Variants in ENOX1 observed in about 807,000 individuals in gnomAD.
The protein encoded by ENOX1 is ecto-NOX disulfide-thiol exchanger 1.
A neutral mutation model predicts 82.5 loss-of-function variants in ENOX1; 42 were observed. The ratio of observed to expected loss-of-function variants is 0.51; its 90% CI spans 0.40 to 0.66. ENOX1 has a LOEUF of 0.66. ENOX1 is among the 30% of genes least tolerant of loss of function. The pLI, the probability that ENOX1 is intolerant of heterozygous loss-of-function variation, is 0.00. For missense variants in ENOX1, 608 were observed against 811.6 expected (o/e 0.75, Z 3.05); for synonymous variants, 271 against 282.2 (o/e 0.96, Z 0.40).
At chr13:43,605,438 A>G (rs1176599082) in intron 2 of ENOX1, among the ~76,000 whole-genome samples, 1 of 152,196 alleles carries the variant, frequency 6.6e-6, no homozygotes, top group Non-Finnish European at 1.5e-5. Context: ...ACCAAACAGC[A>G]TGGTACTGGT....
chr13:43,380,131 T>A (rs909772701), intron 5 of ENOX1, among the ~76,000 whole-genome samples: 1 of 151,566 alleles, frequency 6.6e-6, no homozygotes, highest in African/African-American at 2.4e-5. Context: ...AAACAATCCA[T>A]CACCAGCAGA....
chr13:43,754,051 T>TATATACATATATACGTATATAAATACAC (rs71099849), intron 1 of ENOX1, among the ~76,000 whole-genome samples: 94,363 of 117,808 alleles, frequency 0.8, 39,942 homozygotes, highest in South Asian at 0.92. Flanking sequence ...TAAATACACA[T>TATATACATATATACGTATATAAATACAC]ATATATACAT....
chr13:43,656,007 C>G (rs1043826102), intron 2 of ENOX1, among the ~76,000 whole-genome samples: 11 of 152,146 alleles, frequency 7.2e-5, no homozygotes, highest in African/African-American at 2.4e-4. Context: ...ATCCAAAAGA[C>G]CCCTATTTTT....
At chr13:43,676,961 T>C (rs889941735) in intron 1 of ENOX1, among the ~76,000 whole-genome samples, 2 of 151,438 alleles carry the variant, frequency 1.3e-5, no homozygotes, top group African/African-American at 4.9e-5. Flanking sequence ...CAAAGTAGAG[T>C]TGAAACTTGC....
intron 2 of ENOX1, among the ~76,000 whole-genome samples, chr13:43,607,335 T>C (rs2082019821): frequency 6.6e-6 from 1 of 152,234 alleles, no homozygotes; most frequent in African/African-American, 2.4e-5. Flanking sequence ...AGAGTTTCCT[T>C]CTTTATTAAT....
At chr13:43,529,933 T>G (rs13378504) in intron 2 of ENOX1, among the ~76,000 whole-genome samples, 1 of 152,254 alleles carries the variant, frequency 6.6e-6, no homozygotes, top group South Asian at 2.1e-4. Flanking sequence ...TGAATGCAGC[T>G]GTCACACTAA....
chr13:43,362,807 C>G (rs2050614872), intron 5 of ENOX1, among the ~76,000 whole-genome samples: 2 of 152,198 alleles, frequency 1.3e-5, no homozygotes, highest in African/African-American at 4.8e-5. Context: ...CTGGGCTGAA[C>G]AGAATAAACA....
chr13:43,771,169 AAG>A (rs1267181041), intron 1 of ENOX1, among the ~76,000 whole-genome samples: 1 of 152,172 alleles, frequency 6.6e-6, no homozygotes, highest in Non-Finnish European at 1.5e-5. Context: ...TTATCCCAAA[AAG>A]AGAGAATCCA....
chr13:43,365,075 G>A (rs771498639), intron 5 of ENOX1, among the ~76,000 whole-genome samples: 3 of 152,206 alleles, frequency 2.0e-5, no homozygotes, highest in Non-Finnish European at 4.4e-5. Flanking sequence ...GATGCACCCT[G>A]CCAGGCCAGG....
chr13:43,353,661 C>T (rs1486527963), intron 8 of ENOX1, among the ~76,000 whole-genome samples: 2 of 152,170 alleles, frequency 1.3e-5, no homozygotes, highest in Admixed American at 1.3e-4. Flanking sequence ...GTTTATATTC[C>T]AAACTCTATG....
chr13:43,530,362 G>C (rs2078158393), intron 2 of ENOX1, among the ~76,000 whole-genome samples: 1 of 152,130 alleles, frequency 6.6e-6, no homozygotes. Context: ...TGTCATCTCT[G>C]ATAGGAACCC....
intron 2 of ENOX1, among the ~76,000 whole-genome samples, chr13:43,513,591 T>G (rs558740524): frequency 6.6e-6 from 1 of 152,266 alleles, no homozygotes; most frequent in South Asian, 2.1e-4. Context: ...ACCCAGTGAA[T>G]CATCTGTAAC....
chr13:43,430,765 T>C (rs867476443), intron 3 of ENOX1, among the ~76,000 whole-genome samples: 1 of 152,320 alleles, frequency 6.6e-6, no homozygotes, highest in Middle Eastern at 3.4e-3. Context: ...AAAAACAAAT[T>C]GTTGATTGTT....
At chr13:43,424,040 C>T (rs994617256) in intron 3 of ENOX1, among the ~76,000 whole-genome samples, 1 of 152,162 alleles carries the variant, frequency 6.6e-6, no homozygotes, top group African/African-American at 2.4e-5. Context: ...AGGTGGATGT[C>T]AGGCTTCAAA....
intron 2 of ENOX1, among the ~76,000 whole-genome samples, chr13:43,618,024 A>G (rs2082558768): frequency 1.3e-5 from 2 of 152,012 alleles, no homozygotes; most frequent in African/African-American, 4.8e-5. Flanking sequence ...GGCCATTTGT[A>G]TATCTTCTTT....
intron 1 of ENOX1, among the ~76,000 whole-genome samples, chr13:43,754,778 C>T (rs1279987990): frequency 6.6e-6 from 1 of 151,938 alleles, no homozygotes; most frequent in East Asian, 1.9e-4. Context: ...CACTATGTTG[C>T]CGAGTCTAGT....
intron 1 of ENOX1, among the ~76,000 whole-genome samples, chr13:43,699,559 T>C (rs1231215706): frequency 5.9e-5 from 9 of 152,212 alleles, no homozygotes; most frequent in Admixed American, 5.9e-4. Flanking sequence ...ATTATTTACT[T>C]TGCTGTAATT....
At chr13:43,504,919 C>T (rs1290546043) in intron 2 of ENOX1, among the ~76,000 whole-genome samples, 1 of 151,476 alleles carries the variant, frequency 6.6e-6, no homozygotes, top group Non-Finnish European at 1.5e-5. Context: ...TCTAACTCAC[C>T]AAGTTACATA....
chr13:43,294,998 G>A (rs934806842), intron 12 of ENOX1, among the ~76,000 whole-genome samples: 1 of 152,188 alleles, frequency 6.6e-6, no homozygotes, highest in Non-Finnish European at 1.5e-5. Flanking sequence ...GGCAGCGAGT[G>A]CTGGAACTGA....
Sources: gnomAD v4.1 joint callset for allele counts (sites outside exome capture counted in the v4.1 genomes callset) on GRCh38, gnomAD v4.1.1 for gene constraint, MANE v1.5 for transcripts, NCBI Gene and HGNC (gene_info 2026-07-23, HGNC 2026-07-21) for gene names.